CLASP2: variants seen among roughly 807,000 people sequenced by gnomAD.
The protein encoded by CLASP2 is cytoplasmic linker associated protein 2.
In CLASP2, 47 loss-of-function variants were observed where a neutral mutation model predicts 194.4. The observed-to-expected ratio is 0.24, with a 90% CI of 0.19 to 0.31. The LOEUF (loss-of-function observed/expected upper bound fraction) is 0.31. Among genes scored for constraint, CLASP2 ranks in the 10% least tolerant of loss-of-function variants. The pLI, the probability that CLASP2 is intolerant of heterozygous loss-of-function variation, is 1.00. For missense variants in CLASP2, 1,445 were observed against 1,823.6 expected, an observed-to-expected ratio of 0.79 and a Z score of 3.78; for synonymous variants, 619 against 633.5, an observed-to-expected ratio of 0.98 and a Z score of 0.34.
intron 6 of CLASP2, among the ~76,000 whole-genome samples, chr3:33,674,063 G>C (rs1559601813): frequency 6.6e-6 from 1 of 152,096 alleles, no homozygotes; most frequent in Non-Finnish European, 1.5e-5. Flanking sequence ...GGATACCCAG[G>C]AATTGAATTC....
intron 2 of CLASP2, among the ~76,000 whole-genome samples, chr3:33,692,473 C>T (rs1425298480): frequency 6.6e-6 from 1 of 152,102 alleles, no homozygotes; most frequent in African/African-American, 2.4e-5. Context: ...ATAATTTAAA[C>T]AAGAAATTCA....
intron 23 of CLASP2, among the ~76,000 whole-genome samples, chr3:33,576,626 C>T (rs1395005743): frequency 6.6e-6 from 1 of 152,036 alleles, no homozygotes; most frequent in Non-Finnish European, 1.5e-5. Flanking sequence ...CACAGAGTAA[C>T]CCAGGACAAA....
intron 9 of CLASP2, among the ~76,000 whole-genome samples, chr3:33,630,057 T>C (rs1352409506): frequency 6.6e-6 from 1 of 152,176 alleles, no homozygotes; most frequent in African/African-American, 2.4e-5. Flanking sequence ...TTAATGACTT[T>C]GGAAACGTAA....
In CLASP2 at chr3:33,581,902, T is replaced by C; in HGVS notation, c.2266A>G (p.Ser756Gly). ...VARSSRIPRPSVSQGCSREAS... is the reference protein window; with the variant it reads ...VARSSRIPRPGVSQGCSREAS... ...TCCCGGCTGCATCCTTGACTCACAC[T>C]TGGTCGAGGAATACGACTGCTTCGG... The change falls in exon 23 of 39, where the codon AGT (serine) becomes GGT (glycine). Residue 756 changes from serine to glycine, a missense_variant. This residue lies in a region of CLASP2 where 732 missense variants were observed against 987.9 expected (regional missense o/e 0.74). Coordinates refer to ENST00000682230, the MANE Select transcript of CLASP2 (RefSeq NM_001365631.1). 6.2e-7 allele frequency: 1 copy of C among 1,613,596 alleles called. No individual in the cohort carries two copies. Among genetic ancestry groups the C allele is most frequent in the Non-Finnish European group, 8.5e-7 (1 of 1,179,722 alleles).
chr3:33,674,674 T>C (rs552498414), intron 6 of CLASP2, among the ~76,000 whole-genome samples: 2 of 151,810 alleles, frequency 1.3e-5, no homozygotes, highest in Non-Finnish European at 2.9e-5. Context: ...ATTAACAAAA[T>C]TGATAAGACT....
intron 32 of CLASP2, among the ~76,000 whole-genome samples, chr3:33,540,721 C>T (rs892910836): frequency 6.6e-6 from 1 of 151,300 alleles, no homozygotes; most frequent in Admixed American, 6.6e-5. Context: ...ATGAAGCACA[C>T]TATAATATAT....
chr3:33,612,907 A>C (rs2075443795), intron 12 of CLASP2, among the ~76,000 whole-genome samples: 1 of 152,154 alleles, frequency 6.6e-6, no homozygotes, highest in Non-Finnish European at 1.5e-5. Context: ...GGGAGGAGGG[A>C]GTGAAAAGGG....
chr3:33,650,353 T>C (rs1332463346), intron 7 of CLASP2, among the ~76,000 whole-genome samples: 1 of 152,150 alleles, frequency 6.6e-6, no homozygotes, highest in African/African-American at 2.4e-5. Context: ...AAAAGAAGAA[T>C]TAAACACAAA....
chr3:33,545,024 T>C, intron 30 of CLASP2, 183 bp from the exon 31 acceptor site: 2 of 190,008 alleles, frequency 1.1e-5, no homozygotes, highest in Non-Finnish European at 1.0e-5. Context: ...TTGACCTACC[T>C]TTTTTTTTTT....
intron 32 of CLASP2, among the ~76,000 whole-genome samples, chr3:33,540,006 C>T (rs1275348962): frequency 1.3e-5 from 2 of 151,220 alleles, no homozygotes; most frequent in South Asian, 2.1e-4. Context: ...CAACCTCTAC[C>T]TCTCAGGCTC....
chr3:33,691,428 T>A (rs1449916784), intron 2 of CLASP2, among the ~76,000 whole-genome samples: 2 of 152,170 alleles, frequency 1.3e-5, no homozygotes, highest in Non-Finnish European at 2.9e-5. Flanking sequence ...AGAAATTACA[T>A]TCTTTTTGGG....
chr3:33,685,867 C>T (rs1280598265), intron 5 of CLASP2, among the ~76,000 whole-genome samples: 1 of 151,968 alleles, frequency 6.6e-6, no homozygotes, highest in Non-Finnish European at 1.5e-5. Flanking sequence ...GTTGCTGTTT[C>T]ATGGGTACAG....
At chr3:33,664,454 T>G (rs543292307) in intron 6 of CLASP2, among the ~76,000 whole-genome samples, 4 of 152,298 alleles carry the variant, frequency 2.6e-5, no homozygotes, top group Admixed American at 1.3e-4. Context: ...TCCTAAAACC[T>G]TACTTAAGCC....
chr3:33,539,423 C>T lies in CLASP2; in HGVS notation c.3405-481G>A, dbSNP rs569149721. Among the ~76,000 whole-genome samples the T allele has an allele frequency of 1.9e-4, 29 of 152,224 alleles. No homozygotes were observed. In the South Asian group the frequency reaches 6.0e-3, roughly 32 times the overall value. On this transcript the variant is annotated intron_variant, in intron 32 of 38. Coordinates refer to ENST00000682230, the MANE Select transcript of CLASP2 (RefSeq NM_001365631.1). ...GATCTCAGCTCACTGCAACCTCTGC[C>T]TCCCGAGTTCAACTGATTCTCCTGC...
At chr3:33,503,429 C>CAT (rs1412087085) in intron 37 of CLASP2, 1 of 142,270 alleles carries the variant, frequency 7.0e-6, no homozygotes, top group Admixed American at 7.1e-5. Context: ...TATCTTTTTC[C>CAT]TTTTTTTTTT....
chr3:33,539,092 T>G, intron 32 of CLASP2, 150 bp from the exon 33 acceptor site: 2 of 547,536 alleles, frequency 3.7e-6, no homozygotes, highest in Non-Finnish European at 5.9e-6. Context: ...AGCAGCTATA[T>G]ATCATTAAAG....
At chr3:33,667,529 A>G in intron 6 of CLASP2, among the ~76,000 whole-genome samples, 1 of 151,168 alleles carries the variant, frequency 6.6e-6, no homozygotes, top group Non-Finnish European at 1.5e-5. Context: ...ATGATATCCA[A>G]TTTATCTATT....
In CLASP2 at chr3:33,573,093, A is replaced by G. The variant is rs2064126351; in HGVS notation, c.2699+17T>C. ...GCTAACCTGATAGTAAAATCATTTT[A>G]AGACAACGCATCTCACCTTAGTGTT... On this transcript the variant is annotated intron_variant, in intron 25 of 38. Transcript: ENST00000682230. 2 of 1,612,492 alleles carry G rather than the reference A, an allele frequency of 1.2e-6. No individual in the cohort carries two copies. The highest frequency in any genetic ancestry group is 1.7e-6 in the Non-Finnish European group (2 of 1,179,162).
At chr3:33,654,220 G>A (rs1158431914) in intron 7 of CLASP2, among the ~76,000 whole-genome samples, 1 of 152,018 alleles carries the variant, frequency 6.6e-6, no homozygotes, top group Non-Finnish European at 1.5e-5. Flanking sequence ...GAAAATCTAC[G>A]GAATCGTTTT....
Sources: gnomAD v4.1 joint callset for allele counts (sites outside exome capture counted in the v4.1 genomes callset) on GRCh38, gnomAD v4.1.1 for gene constraint, gnomAD v4.1.1 regional missense constraint, MANE v1.5 for transcripts, NCBI Gene and HGNC (gene_info 2026-07-23, HGNC 2026-07-21) for gene names.